WDR75: variants seen among roughly 807,000 people sequenced by gnomAD.
The protein encoded by WDR75 is WD repeat domain 75.
A neutral mutation model predicts 106.1 loss-of-function variants in WDR75; 52 were observed. The ratio of observed to expected loss-of-function variants is 0.49; its 90% CI spans 0.39 to 0.62. WDR75 has a LOEUF of 0.62. Among genes scored for constraint, WDR75 ranks in the 20% least tolerant of loss-of-function variants. WDR75 has a pLI of 0.00. For synonymous variants in WDR75, 333 were observed against 335.5 expected (o/e 0.99, Z 0.08); for missense variants, 905 against 970.3 (o/e 0.93, Z 0.89).
intron 8 of WDR75, among the ~76,000 whole-genome samples, chr2:189,461,895 A>T (rs1011980062): frequency 2.6e-5 from 4 of 152,230 alleles, no homozygotes; most frequent in African/African-American, 9.6e-5. Flanking sequence ...AAAGGGTCCC[A>T]TCCATTCCTG....
chr2:189,453,524 T>A (rs1474672415), intron 4 of WDR75, among the ~76,000 whole-genome samples: 1 of 152,224 alleles, frequency 6.6e-6, no homozygotes, highest in African/African-American at 2.4e-5. Context: ...CCTAGTTTAC[T>A]GAAAAATTTC....
At chr2:189,450,504 T>C in intron 2 of WDR75, 8 of 876,776 alleles carry the variant, frequency 9.1e-6, no homozygotes, top group Non-Finnish European at 9.6e-6. Context: ...CTAATTTTTG[T>C]AGGGGTTTCG....
rs537700262 is a variant in WDR75 at position 189,463,193 on chromosome 2, A to C, written c.938-501A>C. ...GTGAGCAGTCCATTTAGTGGCATGA[A>C]AAAGTTAAACTATTTTTATTAGATA... On this transcript the variant is annotated intron_variant, in intron 9 of 20. Transcript: ENST00000314761. 2.6e-4 allele frequency among the ~76,000 whole-genome samples: 40 copies of C among 152,184 alleles called. 1 individual carries two copies. The highest frequency in any genetic ancestry group is 8.9e-4 in the African/African-American group (37 of 41,440).
Position 189,474,757 on chromosome 2 carries a change from T to C in WDR75, c.2237T>C (p.Phe746Ser), listed in dbSNP as rs116065475. The change falls in exon 20 of 21, where the codon TTC (phenylalanine) becomes TCC (serine). Residue 746 changes from phenylalanine to serine, a missense_variant. Physicochemically the swap from Phe to Ser is radical, Grantham distance 155 (BLOSUM62 -2). Coordinates refer to ENST00000314761, the MANE Select transcript of WDR75 (RefSeq NM_032168.3). ...GCCCATGTCCTGCCATCTGCTGCTTTCCTGTGCTCCATGTTTGTAAATTCA... is the reference window on the plus strand; with the variant it reads ...GCCCATGTCCTGCCATCTGCTGCTTCCCTGTGCTCCATGTTTGTAAATTCA... ...TPAHVLPSAA[F>S]LCSMFVNSLL... 4.3e-4 allele frequency: 692 copies of C among 1,614,110 alleles called. 6 individuals carry two copies. In the East Asian group the frequency reaches 0.013, roughly 31 times the overall value.
chr2:189,443,414 A>G (rs1686428581), intron 1 of WDR75, among the ~76,000 whole-genome samples: 2 of 152,222 alleles, frequency 1.3e-5, no homozygotes, highest in Admixed American at 1.3e-4. Flanking sequence ...GTGGGAAATG[A>G]GGTTGGAAAG....
intron 1 of WDR75, among the ~76,000 whole-genome samples, chr2:189,445,687 C>T (rs147473431): frequency 6.6e-6 from 1 of 152,282 alleles, no homozygotes; most frequent in African/African-American, 2.4e-5. Flanking sequence ...GTGTTAATAT[C>T]TTAGTTTTGA....
chr2:189,449,905 A>T (rs972929573), intron 2 of WDR75: 9 of 983,804 alleles, frequency 9.1e-6, no homozygotes, highest in Non-Finnish European at 1.1e-5. Flanking sequence ...AAAATATTAA[A>T]ATTCTTTGTA....
intron 5 of WDR75, among the ~76,000 whole-genome samples, chr2:189,456,449 G>A (rs1686737886): frequency 6.6e-6 from 1 of 152,070 alleles, no homozygotes; most frequent in Admixed American, 6.5e-5. Context: ...ATAAAAAGGA[G>A]CTAATGACAC....
In WDR75 at chr2:189,448,405, T is replaced by C. The variant is rs761288211; in HGVS notation, c.113T>C (p.Phe38Ser). ...TATATCTTCTGTGTCTCTGGAGACT[T>C]TGTTAAAGTTTACAGCACAGTTACA... is the stretch of plus-strand genomic sequence containing the variant. The part of the protein sequence containing the change: ...SKYIFCVSGD[F>S]VKVYSTVTEE... The change falls in exon 2 of 21, where the codon TTT becomes TCT. Residue 38 changes from phenylalanine (F) to serine (S), a missense_variant. Coordinates refer to ENST00000314761, the MANE Select transcript of WDR75 (RefSeq NM_032168.3). The C allele has an allele frequency of 9.9e-6, 16 of 1,613,708 alleles. No individual in the cohort carries two copies. In the East Asian group the frequency reaches 3.3e-4, roughly 34 times the overall value.
chr2:189,455,593 C>T (rs1458081538), intron 5 of WDR75, 149 bp downstream of exon 5: 6 of 1,037,440 alleles, frequency 5.8e-6, no homozygotes, highest in Non-Finnish European at 8.2e-6. Context: ...ATTGCTTTAG[C>T]ATGTATTTAT....
At chr2:189,451,563 A>T (rs16831411) in intron 3 of WDR75, among the ~76,000 whole-genome samples, 3,647 of 152,306 alleles carry the variant, frequency 0.024, 158 homozygotes, top group African/African-American at 0.084. Flanking sequence ...AAAAAGTTAA[A>T]TATGACCTTG....
rs1687003256 is a variant in WDR75 at position 189,466,530 on chromosome 2, C to T, written c.1395C>T (p.Ser465=). ...AACAGCCCACCTTGGTTACAGCTAG[C>T]AAAGATGGTTACTTCAAAGTATGGA... ...KSEQPTLVTA[S]KDGYFKVWIL... is the part of the protein sequence containing the mutation. Residue 465 remains serine, a synonymous_variant, in exon 13 of 21, where the codon AGC becomes AGT. Transcript: ENST00000314761. 5.6e-6 allele frequency: 9 copies of T among 1,613,096 alleles called. No homozygotes were observed. Among genetic ancestry groups the T allele is most frequent in the Non-Finnish European group, 7.6e-6 (9 of 1,179,396 alleles).
intron 13 of WDR75, among the ~76,000 whole-genome samples, chr2:189,467,041 A>G (rs1687016594): frequency 6.6e-6 from 1 of 151,970 alleles, no homozygotes; most frequent in South Asian, 2.1e-4. Flanking sequence ...ACTGCTTATA[A>G]TGTCCCTCAT....
In WDR75 at chr2:189,459,333, T is replaced by A; in HGVS notation, c.690-3T>A. 2 of 1,603,576 alleles carry A rather than the reference T, an allele frequency of 1.2e-6. No individual in the cohort carries two copies. Among genetic ancestry groups the A allele is most frequent in the Non-Finnish European group, 1.7e-6 (2 of 1,176,106 alleles). On this transcript the variant is annotated splice_region_variant and splice_polypyrimidine_tract_variant and intron_variant, in intron 7 of 20. Coordinates refer to ENST00000314761, the MANE Select transcript of WDR75 (RefSeq NM_032168.3). ...AAATAAGAGTTTTATCTTTCTCCAA[T>A]AGGAGGAATTTTTATGATGATAAGA... is the stretch of plus-strand genomic sequence containing the variant.
At chr2:189,472,987 G>A (rs548049324) in intron 18 of WDR75, among the ~76,000 whole-genome samples, 2 of 152,268 alleles carry the variant, frequency 1.3e-5, no homozygotes, top group Non-Finnish European at 2.9e-5. Flanking sequence ...GAAGGCCAAG[G>A]CAGGTAGATC....
rs1356800054 is a variant in WDR75, at chr2:189,474,773, T to C, written c.2253T>C (p.Phe751=). 2.5e-6 allele frequency: 4 copies of C among 1,613,978 alleles called. No homozygotes were observed. The highest frequency in any genetic ancestry group is 3.4e-6 in the Non-Finnish European group (4 of 1,179,962). ...LPSAAFLCSM[F]VNSLLLSKET... ...CTGCTGCTTTCCTGTGCTCCATGTT[T>C]GTAAATTCATTGCTGCTGTCTAAAG... The change falls in exon 20 of 21, where the codon TTT becomes TTC. Residue 751 remains phenylalanine (F), a synonymous_variant. Coordinates refer to ENST00000314761, the MANE Select transcript of WDR75 (RefSeq NM_032168.3).
intron 4 of WDR75, among the ~76,000 whole-genome samples, chr2:189,452,811 G>A (rs1255633556): frequency 1.3e-5 from 2 of 152,130 alleles, no homozygotes; most frequent in Admixed American, 6.6e-5. Flanking sequence ...TGTATGCTAT[G>A]GTGTCCTCCA....
intron 18 of WDR75, among the ~76,000 whole-genome samples, chr2:189,472,757 G>A (rs574557273): frequency 7.6e-4 from 115 of 152,262 alleles, no homozygotes; most frequent in African/African-American, 2.6e-3. Flanking sequence ...AGTCTCAAAT[G>A]TCATTACAAT....
At chr2:189,458,210 A>G (rs1686780542) in intron 6 of WDR75, among the ~76,000 whole-genome samples, 1 of 152,230 alleles carries the variant, frequency 6.6e-6, no homozygotes, top group Non-Finnish European at 1.5e-5. Context: ...GGCGTGAGCC[A>G]CTGTGCCCGG....
Sources: gnomAD v4.1 joint callset for allele counts (sites outside exome capture counted in the v4.1 genomes callset) on GRCh38, gnomAD v4.1.1 for gene constraint, MANE v1.5 for transcripts, NCBI Gene and HGNC (gene_info 2026-07-23, HGNC 2026-07-21) for gene names.